The following UBE2F variants were observed in gnomAD, a reference collection of about 807,000 sequenced individuals.
UBE2F encodes ubiquitin conjugating enzyme E2 F (putative).
UBE2F carries 5 observed loss-of-function variants against 29.6 expected under a neutral mutation model. The ratio of observed to expected loss-of-function variants is 0.17; its 90% CI spans 0.09 to 0.36. The LOEUF (loss-of-function observed/expected upper bound fraction) is 0.36, where lower values mean the gene tolerates loss of function less well. UBE2F is among the 10% of genes least tolerant of loss of function. The pLI is 1.00. For synonymous variants in UBE2F, 66 were observed against 81.8 expected, an observed-to-expected ratio of 0.81 and a Z score of 1.04; for missense variants, 141 against 228.5, an observed-to-expected ratio of 0.62 and a Z score of 2.47.
At chr2:238,021,284 T>C (rs1047894427) in intron 5 of UBE2F, among the ~76,000 whole-genome samples, 2 of 152,196 alleles carry the variant, frequency 1.3e-5, no homozygotes, top group African/African-American at 4.8e-5. Flanking sequence ...GAGACACTTG[T>C]TGAACAGCAG....
intron 4 of UBE2F, among the ~76,000 whole-genome samples, chr2:238,001,994 T>A (rs573654414): frequency 4.6e-5 from 7 of 152,130 alleles, no homozygotes; most frequent in Non-Finnish European, 7.3e-5. Context: ...CCCATCATGT[T>A]TGGTTTGTTT....
intron 4 of UBE2F, among the ~76,000 whole-genome samples, chr2:238,013,681 T>A (rs1354418941): frequency 6.6e-6 from 1 of 152,104 alleles, no homozygotes; most frequent in Non-Finnish European, 1.5e-5. Context: ...TTCAAAAGGT[T>A]TGTTTTCCCA....
rs886203134 is a variant in UBE2F, at chr2:238,040,881, C to G, written c.508-407C>G. On this transcript the variant is annotated intron_variant, in intron 9 of 9. Coordinates refer to ENST00000272930, the MANE Select transcript of UBE2F (RefSeq NM_080678.3). This position sits in a 1 kb window ranked among gnomAD's most constrained non-coding sequence, Gnocchi z 4.4. ...GGTAGCAGCATCCAGGGAAATCATT[C>G]TAGGAAGACAAATCCAGAAACAAGG... Among the ~76,000 whole-genome samples, 1 of 152,112 alleles carries G rather than the reference C, an allele frequency of 6.6e-6. No individual in the cohort carries two copies. Among genetic ancestry groups the G allele is most frequent in the African/African-American group, 2.4e-5 (1 of 41,424 alleles).
At chr2:238,003,149 T>C (rs1285137900) in intron 4 of UBE2F, among the ~76,000 whole-genome samples, 1 of 152,168 alleles carries the variant, frequency 6.6e-6, no homozygotes, top group African/African-American at 2.4e-5. Context: ...AATTTTAGTA[T>C]GGAGATAAAC....
chr2:238,025,876 T>C (rs2064415347), intron 6 of UBE2F, among the ~76,000 whole-genome samples: 1 of 152,188 alleles, frequency 6.6e-6, no homozygotes, highest in African/African-American at 2.4e-5. Context: ...TCCTGATAGA[T>C]GTCAGGGCAC....
At chr2:238,019,458 G>C (rs904330464) in intron 5 of UBE2F, among the ~76,000 whole-genome samples, 9 of 151,744 alleles carry the variant, frequency 5.9e-5, no homozygotes, top group African/African-American at 2.2e-4. Flanking sequence ...ACCTCTGCCT[G>C]CGGGTTCAAG....
chr2:238,016,007 G>A (rs191201603), intron 4 of UBE2F, among the ~76,000 whole-genome samples: 28 of 152,232 alleles, frequency 1.8e-4, no homozygotes, highest in Non-Finnish European at 3.4e-4. Context: ...ACCAGCCCGC[G>A]TTTCTAGAAG....
intron 9 of UBE2F, among the ~76,000 whole-genome samples, chr2:238,039,121 C>T (rs1288109950): frequency 2.0e-5 from 3 of 152,138 alleles, no homozygotes; most frequent in Non-Finnish European, 4.4e-5. Flanking sequence ...TGTAATTCCA[C>T]CTACTTGGGA....
At chr2:237,985,046 C>T (rs1240667455) in intron 2 of UBE2F, among the ~76,000 whole-genome samples, 1 of 151,038 alleles carries the variant, frequency 6.6e-6, no homozygotes, top group Non-Finnish European at 1.5e-5. Context: ...GTTGCCCAGG[C>T]TGGTCTCAAA....
At chr2:237,998,612 C>CTT (rs34852748) in intron 4 of UBE2F, among the ~76,000 whole-genome samples, 1 of 140,230 alleles carries the variant, frequency 7.1e-6, no homozygotes, top group Non-Finnish European at 1.6e-5. Flanking sequence ...CTGCCGTGAG[C>CTT]TTTTTTTTTT....
intron 4 of UBE2F, among the ~76,000 whole-genome samples, chr2:238,006,225 C>T (rs2063903191): frequency 6.6e-6 from 1 of 152,160 alleles, no homozygotes; most frequent in South Asian, 2.1e-4. Flanking sequence ...GAGATGCAGA[C>T]TCTTTTAAAC....
chr2:238,003,870 G>A (rs531528884), intron 4 of UBE2F, among the ~76,000 whole-genome samples: 77 of 152,310 alleles, frequency 5.1e-4, no homozygotes, highest in Non-Finnish European at 8.4e-4. Context: ...TCTTGAGGAA[G>A]TTTCCATCAC....
chr2:237,978,499 G>A (rs768616831), intron 2 of UBE2F, among the ~76,000 whole-genome samples: 2 of 152,184 alleles, frequency 1.3e-5, no homozygotes, highest in African/African-American at 2.4e-5. Context: ...CTCCTGGCTC[G>A]ATTCCAGGTC....
chr2:238,006,987 C>T (rs2063922265), intron 4 of UBE2F, among the ~76,000 whole-genome samples: 1 of 152,094 alleles, frequency 6.6e-6, no homozygotes, highest in Non-Finnish European at 1.5e-5. Context: ...AACTCCCAAC[C>T]TCAGGTGATC....
At chr2:238,027,732 G>A (rs1292348907) in intron 6 of UBE2F, among the ~76,000 whole-genome samples, 1 of 152,216 alleles carries the variant, frequency 6.6e-6, no homozygotes, top group Non-Finnish European at 1.5e-5. Flanking sequence ...GGTGTGTCCC[G>A]AATAAAGGGA....
At chr2:237,996,010 A>G (rs905340066) in intron 4 of UBE2F, among the ~76,000 whole-genome samples, 4 of 152,234 alleles carry the variant, frequency 2.6e-5, no homozygotes, top group African/African-American at 7.2e-5. Flanking sequence ...CATGCCTGAC[A>G]TCTATAGATA....
At chr2:237,971,735 G>A (rs1353583229) in intron 1 of UBE2F, among the ~76,000 whole-genome samples, 1 of 60,460 alleles carries the variant, frequency 1.7e-5, no homozygotes, top group Non-Finnish European at 3.2e-5. Context: ...GAGTCTAGCG[G>A]ATAGTTACTT....
chr2:237,974,648 G>A (rs1452494196), intron 2 of UBE2F, among the ~76,000 whole-genome samples: 1 of 151,294 alleles, frequency 6.6e-6, no homozygotes, highest in Middle Eastern at 3.2e-3. Flanking sequence ...ATAGTAGCTG[G>A]GATTACAGGC....
intron 4 of UBE2F, among the ~76,000 whole-genome samples, chr2:237,995,680 G>T (rs2063676461): frequency 6.6e-6 from 1 of 152,160 alleles, no homozygotes; most frequent in African/African-American, 2.4e-5. Flanking sequence ...TCCCGGCCTT[G>T]TCTCTCTGTA....
Sources: gnomAD v4.1 joint callset for allele counts (sites outside exome capture counted in the v4.1 genomes callset) on GRCh38, gnomAD v4.1.1 for gene constraint, Gnocchi (gnomAD v3.1) non-coding constraint, MANE v1.5 for transcripts, NCBI Gene and HGNC (gene_info 2026-07-23, HGNC 2026-07-21) for gene names.